OSBPL3: variants seen among roughly 807,000 people sequenced by gnomAD.
OSBPL3 encodes the protein oxysterol-binding protein-related protein 3.
In OSBPL3, 65 loss-of-function variants were observed where a neutral mutation model predicts 120.1. The observed-to-expected ratio is 0.54, with a 90% CI of 0.44 to 0.67. The LOEUF (loss-of-function observed/expected upper bound fraction) is 0.67. Ranked by LOEUF, OSBPL3 falls within the 30% of genes least tolerant of loss-of-function variation. OSBPL3 has a pLI of 0.00. For synonymous variants in OSBPL3, 416 were observed against 402.6 expected (o/e 1.03, Z -0.40); for missense variants, 1,004 against 1,082.1 (o/e 0.93, Z 1.01).
intron 15 of OSBPL3, among the ~76,000 whole-genome samples, chr7:24,832,278 G>A (rs553845053): frequency 3.3e-5 from 5 of 150,258 alleles, no homozygotes; most frequent in South Asian, 2.1e-4. Context: ...TTGGGAGGCC[G>A]AGGTGGGCAG....
rs71675250 is a variant in OSBPL3 at position 24,839,991 on chromosome 7, C to CAAAAAAAAAAAA, written c.1495+687_1495+698dup. ...GGGGACAGAAAGAGACTCCATCTCA[C>CAAAAAAAAAAAA]AAAAAAAAAAAAAAAAAAAAAAAAA... On this transcript the variant is annotated intron_variant, in intron 14 of 22. Coordinates refer to ENST00000313367, the MANE Select transcript of OSBPL3 (RefSeq NM_015550.4). 1.1e-3 allele frequency among the ~76,000 whole-genome samples: 60 copies of CAAAAAAAAAAAA among 53,288 alleles called. 3 individuals are homozygous for CAAAAAAAAAAAA. The highest frequency in any genetic ancestry group is 3.8e-3 in the East Asian group (7 of 1,838). The allele number at this position is 53,288 out of a possible 152,430, so 35.0% of individuals were successfully genotyped here.
At chr7:24,942,762 G>T (rs551800414) in intron 1 of OSBPL3, among the ~76,000 whole-genome samples, 1 of 152,268 alleles carries the variant, frequency 6.6e-6, no homozygotes, top group South Asian at 2.1e-4. Context: ...GCACCTCACA[G>T]TCAAAAACAC....
rs988715852 is a variant in OSBPL3 at position 24,872,794 on chromosome 7, A to G, written c.97-725T>C. Among the ~76,000 whole-genome samples the G allele has an allele frequency of 1.3e-5, 2 of 152,180 alleles. No individual in the cohort carries two copies. On this transcript the variant is annotated intron_variant, in intron 2 of 22. Transcript: ENST00000313367. The surrounding 1 kb of genome is among the most constrained non-coding windows in gnomAD (Gnocchi z 4.1). ...ATTGGCTATTTAGGTTATTTCAACT[A>G]ATTGAAAAAGAATTTTAAAAGAAAT...
chr7:24,825,180 C>T (rs1323753567), intron 16 of OSBPL3, among the ~76,000 whole-genome samples: 6 of 152,188 alleles, frequency 3.9e-5, no homozygotes, highest in Admixed American at 3.9e-4. Flanking sequence ...GCTCTGGAAA[C>T]AGGAGACCAG....
Position 24,804,471 on chromosome 7 carries a change from TG to T in OSBPL3, c.2445-35del. On this transcript the variant is annotated intron_variant, in intron 21 of 22. Coordinates refer to ENST00000313367, the MANE Select transcript of OSBPL3 (RefSeq NM_015550.4). The surrounding 1 kb of genome is among the most constrained non-coding windows in gnomAD (Gnocchi z 5.4). ...TCGAGGAAAAAAAAATGAAAGGATA[TG>T]AATTCAAGAAAACAAAACAATCATT... The T allele has an allele frequency of 6.2e-7, 1 of 1,600,228 alleles. No homozygotes were observed. Among genetic ancestry groups the T allele is most frequent in the Non-Finnish European group, 8.5e-7 (1 of 1,171,494 alleles).
intron 2 of OSBPL3, among the ~76,000 whole-genome samples, chr7:24,880,385 A>C (rs114172438): frequency 0.015 from 2,318 of 152,186 alleles, 48 homozygotes; most frequent in Middle Eastern, 0.054. Context: ...AGGGCCACCT[A>C]CTGACCCTCC....
chr7:24,881,791 C>T lies in OSBPL3; in HGVS notation c.97-9722G>A, dbSNP rs1002096882. On this transcript the variant is annotated intron_variant, in intron 2 of 22. Transcript: ENST00000313367. The surrounding 1 kb of genome is among the most constrained non-coding windows in gnomAD (Gnocchi z 4.3). ...CAAAATCAAAGTGTTGGCAGGTCCA[C>T]GCTCCCTCTGGAGGATCTCAGGGGG... is the stretch of plus-strand genomic sequence containing the variant. Among the ~76,000 whole-genome samples the T allele has an allele frequency of 1.3e-5, 2 of 152,168 alleles. No individual in the cohort carries two copies. Among genetic ancestry groups the T allele is most frequent in the South Asian group, 2.1e-4 (1 of 4,824 alleles).
intron 1 of OSBPL3, among the ~76,000 whole-genome samples, chr7:24,903,775 T>C (rs1807419665): frequency 6.6e-6 from 1 of 152,196 alleles, no homozygotes; most frequent in Non-Finnish European, 1.5e-5. Context: ...TATTGGCACA[T>C]GTCCCCTGAC....
chr7:24,841,618 C>T (rs1797754439), intron 13 of OSBPL3, among the ~76,000 whole-genome samples: 1 of 143,006 alleles, frequency 7.0e-6, no homozygotes, highest in Admixed American at 7.4e-5. Context: ...TTGCTTGAAC[C>T]TGGGAGGCAG....
chr7:24,889,141 ATACTTATGCAGTGGAC>A (rs1319349325), intron 2 of OSBPL3, among the ~76,000 whole-genome samples: 7 of 152,358 alleles, frequency 4.6e-5, no homozygotes, highest in African/African-American at 1.7e-4. Flanking sequence ...TGTGGTGCAT[ATACTTATGCAGTGGAC>A]TACTATTCAG....
In OSBPL3 at chr7:24,959,873, A is replaced by C. The variant is rs552784246; in HGVS notation, c.-150+20013T>G. Among the ~76,000 whole-genome samples, 9 of 152,354 alleles carry C rather than the reference A, an allele frequency of 5.9e-5. No individual in the cohort carries two copies. The highest frequency in any genetic ancestry group is 1.0e-4 in the Non-Finnish European group (7 of 68,016). On this transcript the variant is annotated intron_variant, in intron 1 of 22. Coordinates refer to ENST00000313367, the MANE Select transcript of OSBPL3 (RefSeq NM_015550.4). This position sits in a 1 kb window ranked among gnomAD's most constrained non-coding sequence, Gnocchi z 4.3. ...CACTGAAAACCGAACTTGAACAAAA[A>C]AGAATTTTCTATTTCCGAAACAATG...
chr7:24,901,821 T>C (rs1807075079), intron 1 of OSBPL3, among the ~76,000 whole-genome samples: 2 of 152,238 alleles, frequency 1.3e-5, no homozygotes, highest in Non-Finnish European at 2.9e-5. Context: ...AGCTATATCA[T>C]CTGATAATGG....
At chr7:24,975,993 T>C (rs540470709) in intron 1 of OSBPL3, among the ~76,000 whole-genome samples, 2 of 152,272 alleles carry the variant, frequency 1.3e-5, no homozygotes, top group South Asian at 2.1e-4. Flanking sequence ...TGGGGAATGA[T>C]AGGATGAGGC....
rs184381553 is a variant in OSBPL3 at position 24,951,724 on chromosome 7, C to T, written c.-150+28162G>A. Among the ~76,000 whole-genome samples, 5 of 152,292 alleles carry T rather than the reference C, an allele frequency of 3.3e-5. No individual in the cohort carries two copies. In the East Asian group the frequency reaches 9.6e-4, roughly 29 times the overall value. On this transcript the variant is annotated intron_variant, in intron 1 of 22. Coordinates refer to ENST00000313367, the MANE Select transcript of OSBPL3 (RefSeq NM_015550.4). ...GTTCTTCCATGTAAGGGCTGACAAA[C>T]ACACCACGGGGGAGAAACCTGTATT...
rs891661999 is a variant in OSBPL3, at chr7:24,816,550, C to T, written c.2027+60G>A. On this transcript the variant is annotated intron_variant, in intron 18 of 22. Transcript: ENST00000313367. ...GGGGCGGGGGTGGGCATCCTGTCCC[C>T]AAAGCAAAATCTTGGCCCTAAATTC... The T allele has an allele frequency of 1.4e-5, 17 of 1,233,520 alleles. No individual in the cohort carries two copies. The African/African-American group carries it at 2.2e-4, about 16-fold the overall frequency. The allele number at this position is 1,233,520 out of a possible 1,614,324, so 76.4% of individuals were successfully genotyped here.
In OSBPL3 at chr7:24,830,985, A is replaced by G; in HGVS notation, c.1747-80T>C. The G allele has an allele frequency of 7.4e-7, 1 of 1,352,642 alleles. No individual in the cohort carries two copies. Among genetic ancestry groups the G allele is most frequent in the Non-Finnish European group, 9.8e-7 (1 of 1,018,358 alleles). The allele number at this position is 1,352,642 out of a possible 1,614,324, so 83.8% of individuals were successfully genotyped here. On this transcript the variant is annotated intron_variant, in intron 15 of 22. Transcript: ENST00000313367. The surrounding 1 kb of genome is among the most constrained non-coding windows in gnomAD (Gnocchi z 4.4). ...TTCACAAAGAACTAAACAAAATAAA[A>G]CCTCTATGATTTTCTTTCAGAAAGC...
intron 20 of OSBPL3, among the ~76,000 whole-genome samples, chr7:24,807,517 T>C (rs76722739): frequency 7.9e-5 from 12 of 151,166 alleles, no homozygotes; most frequent in Admixed American, 2.0e-4. Context: ...ATAATAATAA[T>C]AACAACAATA....
Position 24,808,411 on chromosome 7 carries a change from C to A in OSBPL3, c.2317+1396G>T, listed in dbSNP as rs967128951. Among the ~76,000 whole-genome samples the A allele has an allele frequency of 6.6e-6, 1 of 152,016 alleles. No homozygotes were observed. The highest frequency in any genetic ancestry group is 1.5e-5 in the Non-Finnish European group (1 of 67,988). On this transcript the variant is annotated intron_variant, in intron 20 of 22. Coordinates refer to ENST00000313367, the MANE Select transcript of OSBPL3 (RefSeq NM_015550.4). The surrounding 1 kb of genome is among the most constrained non-coding windows in gnomAD (Gnocchi z 4.6). ...TAAAGTCAAGGAATAATGACAGTAACAAAAATTTAAACAGTGTTGCTTTAT... is the reference window on the plus strand; with the variant it reads ...TAAAGTCAAGGAATAATGACAGTAAAAAAAATTTAAACAGTGTTGCTTTAT...
In OSBPL3 at chr7:24,839,991, C is replaced by CAAA. The variant is rs71675250; in HGVS notation, c.1495+696_1495+698dup. ...GGGGACAGAAAGAGACTCCATCTCA[C>CAAA]AAAAAAAAAAAAAAAAAAAAAAAAA... On this transcript the variant is annotated intron_variant, in intron 14 of 22. Transcript: ENST00000313367. Among the ~76,000 whole-genome samples, 455 of 53,262 alleles carry CAAA rather than the reference C, an allele frequency of 8.5e-3. 37 individuals carry two copies. The highest frequency in any genetic ancestry group is 0.027 in the Admixed American group (95 of 3,464). 34.9% of individuals were successfully genotyped at this position (53,262 alleles called of 152,430 possible). A position where few individuals can be genotyped will look rare whatever the true frequency, so the allele number is the denominator to read the frequency against.
Sources: gnomAD v4.1 joint callset for allele counts (sites outside exome capture counted in the v4.1 genomes callset) on GRCh38, gnomAD v4.1.1 for gene constraint, Gnocchi (gnomAD v3.1) non-coding constraint, MANE v1.5 for transcripts, NCBI Gene and HGNC (gene_info 2026-07-23, HGNC 2026-07-21) for gene names.